The following NRG1 variants were observed in gnomAD, a reference collection of about 807,000 sequenced individuals.
NRG1 encodes the protein neuregulin 1.
Under a neutral mutation model 63.8 loss-of-function variants are expected in NRG1, and 18 were observed. That is an observed-to-expected ratio of 0.28 (90% confidence interval 0.19 to 0.42). The LOEUF is 0.42. NRG1 is among the 10% of genes least tolerant of loss of function. NRG1 has a pLI of 1.00. For synonymous variants in NRG1, 302 were observed against 301.3 expected, an observed-to-expected ratio of 1.00 and a Z score of -0.02; for missense variants, 762 against 814.7, an observed-to-expected ratio of 0.94 and a Z score of 0.79.
intron 1 of NRG1, among the ~76,000 whole-genome samples, chr8:32,435,871 A>G (rs1818723227): frequency 6.6e-6 from 1 of 152,136 alleles, no homozygotes; most frequent in Non-Finnish European, 1.5e-5. Flanking sequence ...ATTTTAATTG[A>G]TATATGCCAG....
At chr8:32,350,071 T>C (rs1423844742) in intron 1 of NRG1, among the ~76,000 whole-genome samples, 1 of 152,154 alleles carries the variant, frequency 6.6e-6, no homozygotes, top group Non-Finnish European at 1.5e-5. Flanking sequence ...CTCCTGGATC[T>C]CTCTCTTTCC....
chr8:32,764,475 C>T (rs1316526443), exon 12 of NRG1: 6 of 1,250,724 alleles, frequency 4.8e-6, no homozygotes, highest in Non-Finnish European at 6.3e-6. Flanking sequence ...TTAAATTAAA[C>T]AATTTATTTT....
At chr8:32,213,142 A>G (rs542607369) in intron 1 of NRG1, among the ~76,000 whole-genome samples, 3 of 152,316 alleles carry the variant, frequency 2.0e-5, no homozygotes, top group African/African-American at 4.8e-5. Flanking sequence ...GAATCATTCT[A>G]TTACAAAGAT....
At chr8:32,674,637 A>G (rs935324029) in intron 5 of NRG1, among the ~76,000 whole-genome samples, 3 of 152,228 alleles carry the variant, frequency 2.0e-5, no homozygotes, top group African/African-American at 7.2e-5. Context: ...CTTAGGCAAA[A>G]TATCCGAACG....
chr8:32,139,837 T>G (rs565706470), intron 1 of NRG1, among the ~76,000 whole-genome samples: 1 of 152,294 alleles, frequency 6.6e-6, no homozygotes, highest in African/African-American at 2.4e-5. Context: ...CATGATAAAT[T>G]GTTGGCAATA....
chr8:32,240,947 G>A (rs762854015), intron 1 of NRG1, among the ~76,000 whole-genome samples: 1 of 151,956 alleles, frequency 6.6e-6, no homozygotes, highest in Non-Finnish European at 1.5e-5. Flanking sequence ...AGAATGGGGG[G>A]TACCTGAGAC....
chr8:31,685,219 G>A (rs990393081), intron 1 of NRG1, among the ~76,000 whole-genome samples: 1 of 152,112 alleles, frequency 6.6e-6, no homozygotes, highest in East Asian at 1.9e-4. Flanking sequence ...ATGGTTAATG[G>A]ACATGGGGAT....
chr8:31,930,900 A>C (rs1191887078), intron 1 of NRG1, among the ~76,000 whole-genome samples: 1 of 152,160 alleles, frequency 6.6e-6, no homozygotes, highest in Non-Finnish European at 1.5e-5. Flanking sequence ...TCTGAATATT[A>C]GATTGTTTCT....
chr8:32,563,450 A>G (rs528329610), intron 1 of NRG1, among the ~76,000 whole-genome samples: 1 of 152,346 alleles, frequency 6.6e-6, no homozygotes, highest in East Asian at 1.9e-4. Flanking sequence ...GTGAAAATGT[A>G]GAAGATGGTA....
intron 1 of NRG1, among the ~76,000 whole-genome samples, chr8:31,987,755 A>C (rs541677851): frequency 6.8e-6 from 1 of 147,556 alleles, no homozygotes; most frequent in East Asian, 1.9e-4. Flanking sequence ...GTTGGAAGGA[A>C]AAAAAAGGGA....
intron 1 of NRG1, among the ~76,000 whole-genome samples, chr8:32,049,399 A>C (rs1821613495): frequency 6.6e-6 from 1 of 152,134 alleles, no homozygotes; most frequent in African/African-American, 2.4e-5. Context: ...AGCCCTGGTG[A>C]AGGCAGATAG....
intron 1 of NRG1, among the ~76,000 whole-genome samples, chr8:31,811,244 T>C (rs1383686617): frequency 1.3e-5 from 2 of 152,198 alleles, no homozygotes; most frequent in Admixed American, 6.5e-5. Context: ...GTGTGGGGTG[T>C]CTTTTGTAGA....
At chr8:32,730,927 A>T (rs1295254855) in intron 6 of NRG1, among the ~76,000 whole-genome samples, 1 of 152,204 alleles carries the variant, frequency 6.6e-6, no homozygotes. Context: ...CTTTTTAAAC[A>T]GTGTACCCAT....
intron 1 of NRG1, among the ~76,000 whole-genome samples, chr8:32,587,910 TTTTTG>T (rs199766055): frequency 2.0e-4 from 27 of 135,732 alleles, no homozygotes; most frequent in South Asian, 7.6e-4. Context: ...CATGTGGGTT[TTTTTG>T]TTTTGTTTTG....
In NRG1 at chr8:31,639,723, G is replaced by C. The variant is rs1044732140; in HGVS notation, c.37+292G>C. 8 of 1,373,752 alleles carry C rather than the reference G, an allele frequency of 5.8e-6. No individual in the cohort carries two copies. In the Admixed American group the frequency reaches 2.7e-4, roughly 47 times the overall value. The allele number at this position is 1,373,752 out of a possible 1,614,324, so 85.1% of individuals were successfully genotyped here. On this transcript the variant is annotated intron_variant, in intron 1 of 10. Transcript: ENST00000519301. The stretch of plus-strand genomic sequence containing the variant: ...ACTCCCTGTAACTGAGGCGGCGGCA[G>C]CGGTTTTTTTGCCTTTTCTATTTTG...
At chr8:31,856,086 G>A (rs1216860759) in intron 1 of NRG1, among the ~76,000 whole-genome samples, 2 of 151,512 alleles carry the variant, frequency 1.3e-5, no homozygotes, top group Admixed American at 6.6e-5. Context: ...TGACAATTAT[G>A]TGTCTTGGAG....
At chr8:32,640,274 C>CACAT (rs1491127735) in intron 5 of NRG1, among the ~76,000 whole-genome samples, 1 of 149,420 alleles carries the variant, frequency 6.7e-6, no homozygotes, top group African/African-American at 2.5e-5. Flanking sequence ...CACACACACA[C>CACAT]GCACGCACAC....
chr8:32,623,501 C>T (rs889904309), intron 5 of NRG1, among the ~76,000 whole-genome samples: 3 of 150,408 alleles, frequency 2.0e-5, no homozygotes, highest in South Asian at 2.1e-4. Flanking sequence ...TGGCTCTGCC[C>T]ACTGTGGAGA....
intron 1 of NRG1, among the ~76,000 whole-genome samples, chr8:32,390,712 T>G (rs577010826): frequency 6.6e-6 from 1 of 151,648 alleles, no homozygotes; most frequent in South Asian, 2.1e-4. Context: ...ACGTCCTCCA[T>G]CACTGTACTG....
Sources: gnomAD v4.1 joint callset for allele counts (sites outside exome capture counted in the v4.1 genomes callset) on GRCh38, gnomAD v4.1.1 for gene constraint, MANE v1.5 for transcripts, NCBI Gene and HGNC (gene_info 2026-07-23, HGNC 2026-07-21) for gene names.